The following PRSS23 variants were observed in gnomAD, a reference collection of about 807,000 sequenced individuals.
PRSS23 encodes protease, serine 23.
A neutral mutation model predicts 34.7 loss-of-function variants in PRSS23; 25 were observed. That is an observed-to-expected ratio of 0.72 (90% CI 0.53 to 1.01). The LOEUF (loss-of-function observed/expected upper bound fraction) is 1.01, where lower values mean the gene tolerates loss of function less well. Ranked by LOEUF, PRSS23 falls within the 50% of genes least tolerant of loss-of-function variation. The pLI is 0.00. For missense variants in PRSS23, 445 were observed against 475.6 expected (o/e 0.94, Z 0.60); for synonymous variants, 176 against 186.6 (o/e 0.94, Z 0.46).
intron 2 of PRSS23, among the ~76,000 whole-genome samples, chr11:86,878,310 C>T (rs1299820740): frequency 9.2e-5 from 13 of 141,778 alleles, no homozygotes; most frequent in Non-Finnish European, 1.5e-4. Context: ...CCACTGATGC[C>T]CAGCCGAAGC....
At chr11:86,885,258 G>A (rs539089698) in intron 2 of PRSS23, among the ~76,000 whole-genome samples, 1 of 152,134 alleles carries the variant, frequency 6.6e-6, no homozygotes, top group Non-Finnish European at 1.5e-5. Context: ...GGCAAAATTA[G>A]CAAAGGAAAG....
chr11:86,918,559 C>T (rs1419813730), intron 2 of PRSS23, among the ~76,000 whole-genome samples: 1 of 152,206 alleles, frequency 6.6e-6, no homozygotes, highest in Non-Finnish European at 1.5e-5. Flanking sequence ...GCATTTACCA[C>T]AATCTGACAT....
intron 2 of PRSS23, among the ~76,000 whole-genome samples, chr11:86,874,034 G>A (rs1460241031): frequency 6.6e-6 from 1 of 152,254 alleles, no homozygotes; most frequent in Non-Finnish European, 1.5e-5. Flanking sequence ...GATGGAAAAT[G>A]TGAGAGAAAA....
chr11:86,833,043 G>T, intron 2 of PRSS23: 1 of 479,268 alleles, frequency 2.1e-6, no homozygotes, highest in South Asian at 2.0e-5. Context: ...ACAGAAACAT[G>T]GGTTCATGAT....
At chr11:86,826,185 A>G (rs951081951) in intron 2 of PRSS23, among the ~76,000 whole-genome samples, 2 of 151,832 alleles carry the variant, frequency 1.3e-5, no homozygotes, top group African/African-American at 4.9e-5. Flanking sequence ...CTCCTTGAAG[A>G]GGTCCTTCAC....
rs1436710625 is a variant in PRSS23, at chr11:86,809,755, T to G, written c.*960T>G. On this transcript the variant is annotated 3_prime_UTR_variant, in exon 2 of 2. Coordinates refer to ENST00000280258, the MANE Select transcript of PRSS23 (RefSeq NM_007173.6). ...TTTGGATGGAGTAATTTAAAATGAA[T>G]TAAATTCCAGAGAACAATGGAAGCA... 3.6e-5 allele frequency: 6 copies of G among 167,036 alleles called. No homozygotes were observed. Among genetic ancestry groups the G allele is most frequent in the African/African-American group, 1.4e-4 (6 of 41,444 alleles). 10.3% of individuals were successfully genotyped at this position (167,036 alleles called of 1,614,324 possible). A position where few individuals can be genotyped will look rare whatever the true frequency, so the allele number is the denominator to read the frequency against.
In PRSS23 at chr11:86,833,324, T is replaced by C. The variant is rs1204622002; in HGVS notation, c.206+9731T>C. On this transcript the variant is annotated intron_variant, in intron 2 of 2. Transcript: ENST00000533902. ...TGGAAGTCAGAGCTGACGGCCAGGA[T>C]AATGAGCAGATTCTCCAGCACCATG... 4.2e-6 allele frequency: 5 copies of C among 1,176,742 alleles called. No individual in the cohort carries two copies. In the East Asian group the frequency reaches 9.9e-5, roughly 23 times the overall value. The allele number at this position is 1,176,742 out of a possible 1,614,324, so 72.9% of individuals were successfully genotyped here. A position where few individuals can be genotyped will look rare whatever the true frequency, so the allele number is the denominator to read the frequency against.
intron 1 of PRSS23, among the ~76,000 whole-genome samples, chr11:86,818,391 CACTATTGTTTCA>C (rs1171524083): frequency 1.8e-4 from 28 of 152,184 alleles, no homozygotes; most frequent in African/African-American, 6.5e-4. Context: ...TTTTAAGACA[CACTATTGTTTCA>C]ACCATTGTTT....
chr11:86,797,383 C>T (rs1947987867), upstream of PRSS23, among the ~76,000 whole-genome samples: 1 of 152,214 alleles, frequency 6.6e-6, no homozygotes, highest in South Asian at 2.1e-4. Flanking sequence ...GTGATGACAA[C>T]CTAACAGCCA....
intron 2 of PRSS23, among the ~76,000 whole-genome samples, chr11:86,901,908 A>C (rs961697143): frequency 6.6e-6 from 1 of 152,170 alleles, no homozygotes; most frequent in African/African-American, 2.4e-5. Flanking sequence ...TCATTTATGA[A>C]AACCAGGGTA....
chr11:86,846,017 T>C (rs560161975), intron 2 of PRSS23, among the ~76,000 whole-genome samples: 55 of 152,344 alleles, frequency 3.6e-4, no homozygotes, highest in Non-Finnish European at 5.1e-4. Flanking sequence ...TCTGGTAACA[T>C]CTTCCCACCA....
intron 2 of PRSS23, among the ~76,000 whole-genome samples, chr11:86,835,781 C>T (rs919823279): frequency 5.3e-5 from 8 of 152,142 alleles, no homozygotes; most frequent in Non-Finnish European, 1.0e-4. Flanking sequence ...GGTTTGGAAA[C>T]CTTGTAGCCA....
intron 2 of PRSS23, among the ~76,000 whole-genome samples, chr11:86,904,884 C>CAA (rs1276296909): frequency 1.6e-5 from 2 of 128,702 alleles, no homozygotes; most frequent in Non-Finnish European, 1.7e-5. Context: ...CCATTTCCAC[C>CAA]AAAAAAAAAA....
In PRSS23 at chr11:86,907,808, T is replaced by C. The variant is rs530748877; in HGVS notation, c.207-43408T>C. 1.5e-3 allele frequency among the ~76,000 whole-genome samples: 229 copies of C among 152,332 alleles called. 1 individual carries two copies. Among genetic ancestry groups the C allele is most frequent in the African/African-American group, 4.7e-3 (194 of 41,572 alleles). ...GCCGTCGTTTTAACTGTAAGTGCAA[T>C]GTTGTAGAGCAGTTCTCTAGAACTT... On this transcript the variant is annotated intron_variant, in intron 2 of 2. Transcript: ENST00000533902.
At chr11:86,844,817 T>C (rs568054049) in intron 2 of PRSS23, among the ~76,000 whole-genome samples, 10 of 152,298 alleles carry the variant, frequency 6.6e-5, no homozygotes, top group African/African-American at 2.4e-4. Flanking sequence ...GGGCTGGGCA[T>C]GGCGGCTCAT....
chr11:86,833,445 A>T (rs1466305204), intron 2 of PRSS23: 2 of 527,886 alleles, frequency 3.8e-6, no homozygotes, highest in African/African-American at 3.9e-5. Context: ...CATCTGTTAG[A>T]TTCTGTGGGT....
intron 2 of PRSS23, chr11:86,940,868 C>T (rs1949202850): frequency 6.6e-6 from 1 of 152,138 alleles, no homozygotes; most frequent in Non-Finnish European, 1.5e-5. Context: ...TGTATTTATA[C>T]AATTATGACA....
intron 2 of PRSS23, among the ~76,000 whole-genome samples, chr11:86,871,179 T>C (rs1948682195): frequency 6.6e-6 from 1 of 152,222 alleles, no homozygotes; most frequent in Non-Finnish European, 1.5e-5. Flanking sequence ...CTACTGAGGC[T>C]TGGTTTTATG....
chr11:86,854,453 C>G lies in PRSS23; in HGVS notation c.206+30860C>G, dbSNP rs1948554332. On this transcript the variant is annotated intron_variant, in intron 2 of 2. Transcript: ENST00000533902. Reference sequence around the variant, plus strand: ...ATGATTTGCAAATATTTTTCCTAATCCATGGGTTATCTTTTCACTCAGTTC... The same window carrying G: ...ATGATTTGCAAATATTTTTCCTAATGCATGGGTTATCTTTTCACTCAGTTC... 2.0e-5 allele frequency among the ~76,000 whole-genome samples: 3 copies of G among 152,256 alleles called. No homozygotes were observed. The South Asian group carries it at 6.2e-4, about 32-fold the overall frequency.
Sources: allele counts gnomAD v4.1 joint callset (sites outside exome capture counted in the v4.1 genomes callset), GRCh38; gene constraint gnomAD v4.1.1; transcripts MANE v1.5; gene names NCBI Gene and HGNC (gene_info 2026-07-23, HGNC 2026-07-21).